The following TRPC1 variants were observed in gnomAD, a reference collection of about 807,000 sequenced individuals.
TRPC1 encodes transient receptor potential cation channel subfamily C member 1, also known as short transient receptor potential channel 1.
In TRPC1, 42 loss-of-function variants were observed where a neutral mutation model predicts 88.2. The ratio of observed to expected loss-of-function variants is 0.48; its 90% CI spans 0.37 to 0.62. The LOEUF (loss-of-function observed/expected upper bound fraction) is 0.62, where lower values mean the gene tolerates loss of function less well. Ranked by LOEUF, TRPC1 falls within the 20% of genes least tolerant of loss-of-function variation. TRPC1 has a pLI of 0.00. For synonymous variants in TRPC1, 288 were observed against 331.8 expected, an observed-to-expected ratio of 0.87 and a Z score of 1.43; for missense variants, 699 against 957.3, an observed-to-expected ratio of 0.73 and a Z score of 3.56.
At chr3:142,754,541 T>C (rs559212326) in intron 4 of TRPC1, among the ~76,000 whole-genome samples, 100 of 152,220 alleles carry the variant, frequency 6.6e-4, no homozygotes, top group Middle Eastern at 6.8e-3. Flanking sequence ...AATAAAAAAA[T>C]AAAAATAAAA....
chr3:142,796,108 A>G (rs1036075537), intron 9 of TRPC1, among the ~76,000 whole-genome samples: 7 of 152,024 alleles, frequency 4.6e-5, no homozygotes, highest in African/African-American at 9.7e-5. Flanking sequence ...AGACTCTTTT[A>G]TTTCCATTTT....
chr3:142,786,071 G>A (rs180909808), intron 7 of TRPC1, among the ~76,000 whole-genome samples: 7 of 152,254 alleles, frequency 4.6e-5, no homozygotes, highest in Admixed American at 1.3e-4. Flanking sequence ...CGGGGTGCGT[G>A]TGGAGAGTTG....
chr3:142,740,807 T>C (rs1934317658), intron 2 of TRPC1, among the ~76,000 whole-genome samples: 1 of 152,120 alleles, frequency 6.6e-6, no homozygotes, highest in Non-Finnish European at 1.5e-5. Flanking sequence ...AAACGAGTGG[T>C]AAGAGAAAGA....
At chr3:142,748,123 C>G in intron 3 of TRPC1, 135 bp from the exon 4 acceptor site, 1 of 841,042 alleles carries the variant, frequency 1.2e-6, no homozygotes, top group South Asian at 2.0e-5. Context: ...TTAGTCCAAG[C>G]AAAATGTTTA....
At chr3:142,730,227 A>C (rs538650254) in intron 1 of TRPC1, among the ~76,000 whole-genome samples, 3 of 152,104 alleles carry the variant, frequency 2.0e-5, no homozygotes, top group Non-Finnish European at 4.4e-5. Context: ...CTATTTTTCT[A>C]ATAGAGTTAA....
At position 142,755,894 on chromosome 3, in the gene TRPC1, CT is replaced by C. The variant is rs539786438; in HGVS notation, c.632+7435del. On this transcript the variant is annotated intron_variant, in intron 4 of 12. Transcript: ENST00000476941. ...ATCATTGGAAAAAGTTCTCTCTTGC[CT>C]GTTCATTCATGGTCAATCCTTGTTT... 3.3e-3 allele frequency among the ~76,000 whole-genome samples: 503 copies of C among 152,232 alleles called. 11 individuals carry two copies. The highest frequency in any genetic ancestry group is 0.012 in the African/African-American group (489 of 41,540).
rs150834861 is a variant in TRPC1 at position 142,742,596 on chromosome 3, C to T, written c.328-889C>T. 3.8e-4 allele frequency among the ~76,000 whole-genome samples: 58 copies of T among 152,178 alleles called. No individual in the cohort carries two copies. The East Asian group carries it at 0.011, about 28-fold the overall frequency. The stretch of plus-strand genomic sequence containing the variant: ...ATCGATATAGTTTTGTTTCCAAGAG[C>T]AAGAACATTGATTTAAATAGTTATT... On this transcript the variant is annotated intron_variant, in intron 2 of 12. Transcript: ENST00000476941.
intron 7 of TRPC1, among the ~76,000 whole-genome samples, chr3:142,789,663 C>T (rs1208758792): frequency 6.6e-6 from 1 of 151,962 alleles, no homozygotes; most frequent in African/African-American, 2.4e-5. Context: ...GTAGTCTCCC[C>T]GAAAATGACT....
chr3:142,790,921 C>T, intron 7 of TRPC1, 98 bp from the exon 8 acceptor site: 3 of 1,049,810 alleles, frequency 2.9e-6, no homozygotes, highest in South Asian at 3.8e-5. Flanking sequence ...GAATAAGGCC[C>T]AAGGATTATT....
At chr3:142,789,418 G>C (rs138203015) in intron 7 of TRPC1, among the ~76,000 whole-genome samples, 4 of 152,108 alleles carry the variant, frequency 2.6e-5, no homozygotes, top group African/African-American at 9.7e-5. Flanking sequence ...TACTAAGGTG[G>C]AATTGTTAAA....
chr3:142,724,810 C>A lies in TRPC1; in HGVS notation c.172+79C>A. 1 of 1,420,146 alleles carries A rather than the reference C, an allele frequency of 7.0e-7. No homozygotes were observed. The highest frequency in any genetic ancestry group is 9.3e-7 in the Non-Finnish European group (1 of 1,077,000). 88.0% of individuals were successfully genotyped at this position (1,420,146 alleles called of 1,614,324 possible). A position where few individuals can be genotyped will look rare whatever the true frequency, so the allele number is the denominator to read the frequency against. On this transcript the variant is annotated intron_variant, in intron 1 of 12. Transcript: ENST00000476941. This position sits in a 1 kb window ranked among gnomAD's most constrained non-coding sequence, Gnocchi z 5.6. ...TCCTCTCCCCCGCCTCAACTTATATCGGGGCATTCCCTCTGTCTCAGGCGC... is the reference window on the plus strand; with the variant it reads ...TCCTCTCCCCCGCCTCAACTTATATAGGGGCATTCCCTCTGTCTCAGGCGC...
At chr3:142,784,597 A>G in intron 6 of TRPC1, 107 bp from the exon 7 acceptor site, 2 of 882,452 alleles carry the variant, frequency 2.3e-6, no homozygotes, top group East Asian at 5.3e-5. Flanking sequence ...AATGTATAGA[A>G]TTGATTTTTA....
intron 2 of TRPC1, among the ~76,000 whole-genome samples, chr3:142,741,267 G>A (rs1934336743): frequency 6.6e-6 from 1 of 151,886 alleles, no homozygotes; most frequent in Admixed American, 6.6e-5. Context: ...CATTTGTGCA[G>A]AATAAGTAAA....
chr3:142,775,591 C>T (rs1935742245), intron 4 of TRPC1, among the ~76,000 whole-genome samples: 1 of 152,006 alleles, frequency 6.6e-6, no homozygotes, highest in Admixed American at 6.6e-5. Context: ...TGCACTCCAG[C>T]CTGGTTAACT....
intron 1 of TRPC1, among the ~76,000 whole-genome samples, chr3:142,726,921 G>A (rs565900714): frequency 2.0e-5 from 3 of 152,240 alleles, no homozygotes; most frequent in African/African-American, 7.2e-5. Flanking sequence ...ATCTGTTGTT[G>A]TCCTCAATTT....
At chr3:142,760,024 C>T (rs967701740) in intron 4 of TRPC1, among the ~76,000 whole-genome samples, 3 of 151,938 alleles carry the variant, frequency 2.0e-5, no homozygotes, top group Admixed American at 6.6e-5. Context: ...GATGGGGTTT[C>T]GCTGTGTTAG....
chr3:142,794,750 C>T (rs1310937177), intron 9 of TRPC1, among the ~76,000 whole-genome samples: 1 of 152,096 alleles, frequency 6.6e-6, no homozygotes, highest in Non-Finnish European at 1.5e-5. Flanking sequence ...ACCATCTCAT[C>T]CGACGGGATT....
At chr3:142,733,936 G>C (rs983461564) in intron 1 of TRPC1, among the ~76,000 whole-genome samples, 2 of 152,160 alleles carry the variant, frequency 1.3e-5, no homozygotes, top group Admixed American at 1.3e-4. Flanking sequence ...GAGTCTTAAT[G>C]CCCATATGAG....
intron 1 of TRPC1, among the ~76,000 whole-genome samples, chr3:142,727,275 A>T (rs1284232227): frequency 6.6e-6 from 1 of 152,106 alleles, no homozygotes; most frequent in Non-Finnish European, 1.5e-5. Flanking sequence ...AGAGTGTCTC[A>T]TTCTTTTCAT....
Sources: gnomAD v4.1 joint callset for allele counts (sites outside exome capture counted in the v4.1 genomes callset) on GRCh38, gnomAD v4.1.1 for gene constraint, Gnocchi (gnomAD v3.1) non-coding constraint, MANE v1.5 for transcripts, NCBI Gene and HGNC (gene_info 2026-07-23, HGNC 2026-07-21) for gene names.